Variants in ANO6 observed in about 807,000 individuals in gnomAD.
ANO6 encodes anoctamin-6.
A neutral mutation model predicts 117.5 loss-of-function variants in ANO6; 106 were observed. The observed-to-expected ratio is 0.90, with a 90% CI of 0.77 to 1.06. The LOEUF (loss-of-function observed/expected upper bound fraction) is 1.06, where lower values mean the gene tolerates loss of function less well. Among genes scored for constraint, ANO6 ranks in the 50% least tolerant of loss-of-function variants. The pLI, the probability that ANO6 is intolerant of heterozygous loss-of-function variation, is 0.00. For missense variants in ANO6, 955 were observed against 1,121.1 expected (o/e 0.85, Z 2.12); for synonymous variants, 367 against 385.1 (o/e 0.95, Z 0.55).
intron 15 of ANO6, among the ~76,000 whole-genome samples, chr12:45,405,601 A>C (rs143026814): frequency 6.4e-4 from 98 of 152,220 alleles, no homozygotes; most frequent in Middle Eastern, 6.8e-3. Flanking sequence ...TTTTTTATAC[A>C]AAGTCCTAAT....
At chr12:45,425,651 A>G (rs1943483602) in intron 19 of ANO6, among the ~76,000 whole-genome samples, 1 of 152,246 alleles carries the variant, frequency 6.6e-6, no homozygotes, top group South Asian at 2.1e-4. Context: ...TTCTACAATG[A>G]AAACACCAGA....
intron 17 of ANO6, among the ~76,000 whole-genome samples, chr12:45,419,804 T>G (rs560009528): frequency 3.3e-5 from 5 of 152,128 alleles, no homozygotes; most frequent in Non-Finnish European, 7.4e-5. Context: ...TTAAAGAATT[T>G]TAGAGAAAAT....
chr12:45,289,295 T>C (rs1174123284), intron 1 of ANO6, among the ~76,000 whole-genome samples: 1 of 151,666 alleles, frequency 6.6e-6, no homozygotes, highest in Non-Finnish European at 1.5e-5. Context: ...CCTTCCTGAG[T>C]AGCTCGGATT....
chr12:45,252,437 C>G lies in ANO6; in HGVS notation c.70+36046C>G, dbSNP rs535438332. Among the ~76,000 whole-genome samples the G allele has an allele frequency of 2.6e-5, 4 of 152,258 alleles. No homozygotes were observed. The South Asian group carries it at 8.3e-4, about 32-fold the overall frequency. On this transcript the variant is annotated intron_variant, in intron 1 of 19. Transcript: ENST00000320560. Reference sequence around the variant, plus strand: ...CAGAAAACTCCAAATACAAACATATCTGCATCTCCAAAGAAGCATAATCAT... The same window carrying G: ...CAGAAAACTCCAAATACAAACATATGTGCATCTCCAAAGAAGCATAATCAT...
intron 1 of ANO6, among the ~76,000 whole-genome samples, chr12:45,236,717 G>C (rs1947651035): frequency 6.6e-6 from 1 of 152,208 alleles, no homozygotes; most frequent in Admixed American, 6.5e-5. Context: ...ATAGTAGAAT[G>C]ATTTATAATC....
intron 1 of ANO6, among the ~76,000 whole-genome samples, chr12:45,284,356 C>T (rs1412852463): frequency 6.6e-6 from 1 of 152,122 alleles, no homozygotes; most frequent in Admixed American, 6.5e-5. Context: ...TCTTTATCTC[C>T]ACCTTTCTGT....
intron 18 of ANO6, 117 bp from the exon 19 acceptor site, chr12:45,422,840 C>A: frequency 1.2e-6 from 1 of 800,308 alleles, no homozygotes; most frequent in Non-Finnish European, 2.2e-6. Context: ...TCCCAAAGTG[C>A]TAGGATTACA....
At chr12:45,327,283 G>A (rs1439943914) in intron 2 of ANO6, among the ~76,000 whole-genome samples, 1 of 152,146 alleles carries the variant, frequency 6.6e-6, no homozygotes, top group Non-Finnish European at 1.5e-5. Context: ...ATTGGGAAAA[G>A]TAGAAAACAC....
Position 45,409,454 on chromosome 12 carries a change from A to C in ANO6, c.1978A>C (p.Lys660Gln). ...EQDYHLQPMG[K>Q]LGLFYEYLEM... ...GGACTACCATCTGCAGCCTATGGGC[A>C]AACTGGGATTATTTTATGAATATCT... Residue 660 changes from lysine (K) to glutamine (Q), a missense_variant, in exon 16 of 20, where the codon AAA becomes CAA. By Grantham distance (53) the Lys-to-Gln change is moderately conservative. Transcript: ENST00000320560. The C allele has an allele frequency of 6.2e-7, 1 of 1,614,046 alleles. No individual in the cohort carries two copies. Among genetic ancestry groups the C allele is most frequent in the Non-Finnish European group, 8.5e-7 (1 of 1,179,946 alleles).
intron 1 of ANO6, among the ~76,000 whole-genome samples, chr12:45,254,904 G>GA (rs1025178227): frequency 6.6e-5 from 10 of 151,980 alleles, no homozygotes; most frequent in African/African-American, 9.7e-5. Context: ...CTCAAAACAT[G>GA]AAAAAAATCA....
intron 2 of ANO6, among the ~76,000 whole-genome samples, chr12:45,319,166 G>A (rs1592958875): frequency 1.3e-5 from 2 of 152,170 alleles, no homozygotes; most frequent in African/African-American, 4.8e-5. Context: ...AATAGGAGTG[G>A]TGAGAGAGGG....
At chr12:45,390,527 G>T (rs1449670049) in intron 12 of ANO6, 29 bp downstream of exon 12, 10 of 1,582,828 alleles carry the variant, frequency 6.3e-6, no homozygotes, top group African/African-American at 1.3e-5. Flanking sequence ...TGTTTTGAAT[G>T]ATTAAAAATG....
chr12:45,353,514 T>A (rs552897325), intron 7 of ANO6, among the ~76,000 whole-genome samples: 2 of 152,326 alleles, frequency 1.3e-5, no homozygotes, highest in Non-Finnish European at 2.9e-5. Context: ...ATTTTAAATA[T>A]ATTTTGCTAG....
chr12:45,409,234 A>G (rs544659541), intron 15 of ANO6, 123 bp from the exon 16 acceptor site: 14 of 1,301,046 alleles, frequency 1.1e-5, no homozygotes, highest in Non-Finnish European at 1.5e-5. Context: ...CAAATTTAGC[A>G]TGCAAACAAA....
At chr12:45,426,107 T>C (rs1042553151) in intron 19 of ANO6, among the ~76,000 whole-genome samples, 3 of 152,238 alleles carry the variant, frequency 2.0e-5, no homozygotes, top group Non-Finnish European at 4.4e-5. Context: ...ACTACATACA[T>C]GTGTCTTACA....
chr12:45,224,544 TATTTTC>T (rs1433598826), intron 1 of ANO6, among the ~76,000 whole-genome samples: 1 of 152,200 alleles, frequency 6.6e-6, no homozygotes, highest in Non-Finnish European at 1.5e-5. Flanking sequence ...AACCTTTTGT[TATTTTC>T]AGTTTCAAGT....
intron 3 of ANO6, among the ~76,000 whole-genome samples, chr12:45,337,175 A>G (rs1940851042): frequency 6.6e-6 from 1 of 152,088 alleles, no homozygotes; most frequent in South Asian, 2.1e-4. Context: ...TTAAGCCTTC[A>G]GGTTCAGTCA....
At chr12:45,407,469 TG>T (rs1480057222) in intron 15 of ANO6, among the ~76,000 whole-genome samples, 1 of 110,612 alleles carries the variant, frequency 9.0e-6, no homozygotes, top group Non-Finnish European at 1.7e-5. Flanking sequence ...TGGTCCTTGG[TG>T]CTACCTGAGT....
chr12:45,389,251 C>G (rs1565742004), intron 11 of ANO6, among the ~76,000 whole-genome samples: 1 of 152,188 alleles, frequency 6.6e-6, no homozygotes, highest in Non-Finnish European at 1.5e-5. Flanking sequence ...TAGAAAGTGA[C>G]ATTTGTCTTT....
Sources: gnomAD v4.1 joint callset for allele counts (sites outside exome capture counted in the v4.1 genomes callset) on GRCh38, gnomAD v4.1.1 for gene constraint, MANE v1.5 for transcripts, NCBI Gene and HGNC (gene_info 2026-07-23, HGNC 2026-07-21) for gene names.